The following RBFOX1 variants were observed in gnomAD, a reference collection of about 807,000 sequenced individuals.
RBFOX1 encodes the protein RNA binding protein fox-1 homolog 1.
Under a neutral mutation model 57.7 loss-of-function variants are expected in RBFOX1, and 8 were observed. That is an observed-to-expected ratio of 0.14 (90% CI 0.08 to 0.25). The LOEUF is 0.25. Ranked by LOEUF, RBFOX1 falls within the 10% of genes least tolerant of loss-of-function variation. The pLI is 1.00. For missense variants in RBFOX1, 611 were observed against 548.5 expected, an observed-to-expected ratio of 1.11 and a Z score of -1.14; for synonymous variants, 326 against 222.4, an observed-to-expected ratio of 1.47 and a Z score of -4.15.
chr16:7,504,393 G>A (rs889177006), intron 4 of RBFOX1, among the ~76,000 whole-genome samples: 3 of 151,780 alleles, frequency 2.0e-5, no homozygotes, highest in Admixed American at 1.3e-4. Flanking sequence ...GGATCTTAGG[G>A]TGGCAGGAAC....
intron 4 of RBFOX1, among the ~76,000 whole-genome samples, chr16:5,961,395 C>A (rs530075337): frequency 2.6e-5 from 4 of 151,880 alleles, no homozygotes; most frequent in African/African-American, 9.7e-5. Context: ...AACCTAAATT[C>A]GGGTGGTGGG....
chr16:5,336,087 T>G (rs978524925), intron 1 of RBFOX1, among the ~76,000 whole-genome samples: 1 of 152,132 alleles, frequency 6.6e-6, no homozygotes, highest in African/African-American at 2.4e-5. Context: ...GAGGTGTGGC[T>G]GCAGAGTCTG....
At position 6,490,069 on chromosome 16, in the gene RBFOX1, C is replaced by G. The variant is rs534685617; in HGVS notation, c.-63-164534C>G. ...TGGATGTGAGTACGTTGACTCCCAG[C>G]TTGATCTCAGCTAATGCCAGGCTGT... On this transcript the variant is annotated intron_variant, in intron 2 of 15. Coordinates refer to ENST00000550418, the MANE Select transcript of RBFOX1 (RefSeq NM_018723.4). Among the ~76,000 whole-genome samples the G allele has an allele frequency of 3.3e-5, 5 of 152,314 alleles. No homozygotes were observed. The East Asian group carries it at 5.8e-4, about 18-fold the overall frequency.
At chr16:6,371,856 AT>A (rs1413490831) in intron 2 of RBFOX1, among the ~76,000 whole-genome samples, 1 of 152,150 alleles carries the variant, frequency 6.6e-6, no homozygotes, top group Admixed American at 6.5e-5. Context: ...CTAGGTTAAA[AT>A]TTCCCTGCCT....
At chr16:7,311,175 G>T (rs1380109456) in intron 4 of RBFOX1, among the ~76,000 whole-genome samples, 1 of 152,162 alleles carries the variant, frequency 6.6e-6, no homozygotes, top group Non-Finnish European at 1.5e-5. Flanking sequence ...TTGAGATGAT[G>T]GAGCTGGGAC....
intron 2 of RBFOX1, among the ~76,000 whole-genome samples, chr16:6,624,585 G>C (rs1208051591): frequency 1.3e-5 from 2 of 152,088 alleles, no homozygotes; most frequent in East Asian, 1.9e-4. Flanking sequence ...CATGATTTTT[G>C]TAAGACTGTA....
intron 4 of RBFOX1, among the ~76,000 whole-genome samples, chr16:7,139,115 T>C (rs967107134): frequency 1.3e-5 from 2 of 151,876 alleles, no homozygotes. Context: ...ACTTACAGAT[T>C]TTGATATTCT....
At chr16:6,837,971 C>G (rs974571189) in intron 3 of RBFOX1, among the ~76,000 whole-genome samples, 1 of 151,516 alleles carries the variant, frequency 6.6e-6, no homozygotes, top group Non-Finnish European at 1.5e-5. Context: ...TGGAAGTTAC[C>G]ACCCCTTTCC....
chr16:6,044,483 T>C (rs866269313), intron 1 of RBFOX1, among the ~76,000 whole-genome samples: 5 of 126,860 alleles, frequency 3.9e-5, no homozygotes, highest in Middle Eastern at 3.7e-3. Context: ...AGACCTGTTT[T>C]AGGTTAAAAA....
intron 3 of RBFOX1, among the ~76,000 whole-genome samples, chr16:5,656,350 A>G (rs1246084547): frequency 2.6e-5 from 4 of 152,210 alleles, no homozygotes; most frequent in African/African-American, 7.2e-5. Context: ...TGTTGTTAAT[A>G]TAATTATCTT....
intron 3 of RBFOX1, among the ~76,000 whole-genome samples, chr16:6,911,438 G>A (rs1056954062): frequency 6.6e-6 from 1 of 152,142 alleles, no homozygotes; most frequent in African/African-American, 2.4e-5. Flanking sequence ...AACGCATGGT[G>A]CTGCTTGGGT....
At chr16:5,706,388 C>G (rs28686776) in intron 3 of RBFOX1, among the ~76,000 whole-genome samples, 1 of 152,140 alleles carries the variant, frequency 6.6e-6, no homozygotes, top group Non-Finnish European at 1.5e-5. Flanking sequence ...CCCGAATCAC[C>G]AAGCACTGCC....
At chr16:6,175,114 T>C (rs2152774557) in intron 1 of RBFOX1, among the ~76,000 whole-genome samples, 1 of 152,318 alleles carries the variant, frequency 6.6e-6, no homozygotes, top group East Asian at 1.9e-4. Context: ...CTATATCTCA[T>C]ATACATAGTA....
intron 2 of RBFOX1, among the ~76,000 whole-genome samples, chr16:6,418,291 C>G (rs951767134): frequency 6.6e-6 from 1 of 152,094 alleles, no homozygotes; most frequent in African/African-American, 2.4e-5. Context: ...TGTCCTTTAA[C>G]CACTTTGTAG....
chr16:7,276,659 C>G (rs2095446234), intron 4 of RBFOX1, among the ~76,000 whole-genome samples: 1 of 152,130 alleles, frequency 6.6e-6, no homozygotes, highest in Non-Finnish European at 1.5e-5. Context: ...GGCAGGTTAC[C>G]TCTCCCAACC....
At chr16:5,906,192 A>G (rs1303648504) in intron 4 of RBFOX1, among the ~76,000 whole-genome samples, 1 of 152,126 alleles carries the variant, frequency 6.6e-6, no homozygotes, top group Non-Finnish European at 1.5e-5. Flanking sequence ...AGTGCCTCAG[A>G]CTGTGTCCTT....
At chr16:6,036,623 G>C (rs184411006) in intron 1 of RBFOX1, among the ~76,000 whole-genome samples, 33 of 152,060 alleles carry the variant, frequency 2.2e-4, no homozygotes, top group African/African-American at 7.7e-4. Context: ...TTATTTTTCA[G>C]ACTGGTGGGA....
intron 3 of RBFOX1, among the ~76,000 whole-genome samples, chr16:7,047,125 C>G (rs528881572): frequency 1.3e-5 from 2 of 149,922 alleles, no homozygotes; most frequent in Middle Eastern, 3.4e-3. Context: ...AACATTTACT[C>G]ATATGTTTAC....
intron 4 of RBFOX1, among the ~76,000 whole-genome samples, chr16:7,113,824 T>A (rs879771652): frequency 1.3e-5 from 2 of 152,166 alleles, no homozygotes; most frequent in Non-Finnish European, 2.9e-5. Flanking sequence ...TGATGGACAT[T>A]AAAGTGGCCT....
Sources: allele counts gnomAD v4.1 joint callset (sites outside exome capture counted in the v4.1 genomes callset), GRCh38; gene constraint gnomAD v4.1.1; transcripts MANE v1.5; gene names NCBI Gene and HGNC (gene_info 2026-07-23, HGNC 2026-07-21).